Variants in MSRB3 observed in about 807,000 individuals in gnomAD.
MSRB3 encodes the protein methionine sulfoxide reductase B3.
A neutral mutation model predicts 21.0 loss-of-function variants in MSRB3; 13 were observed. That is an observed-to-expected ratio of 0.62 (90% CI 0.40 to 0.98). MSRB3 has a LOEUF of 0.98. Ranked by LOEUF, MSRB3 falls within the 50% of genes least tolerant of loss-of-function variation. MSRB3 has a pLI of 0.00. For synonymous variants in MSRB3, 87 were observed against 88.6 expected (o/e 0.98, Z 0.10); for missense variants, 199 against 230.3 (o/e 0.86, Z 0.88).
chr12:65,326,600 T>C (rs1038306948), intron 2 of MSRB3, among the ~76,000 whole-genome samples: 8 of 152,202 alleles, frequency 5.3e-5, no homozygotes, highest in African/African-American at 1.9e-4. Context: ...AGACTGGCTG[T>C]AGCATATTGT....
chr12:65,361,412 A>C (rs2136517582), intron 4 of MSRB3, among the ~76,000 whole-genome samples: 1 of 152,222 alleles, frequency 6.6e-6, no homozygotes, highest in South Asian at 2.1e-4. Flanking sequence ...CACAACTGTT[A>C]CGTGAATATG....
intron 5 of MSRB3, among the ~76,000 whole-genome samples, chr12:65,386,290 C>T (rs753850964): frequency 5.9e-5 from 9 of 151,906 alleles, no homozygotes; most frequent in Non-Finnish European, 1.2e-4. Context: ...TTATTTACAA[C>T]TCTCATGATA....
At chr12:65,388,779 G>A (rs1227535192) in intron 5 of MSRB3, among the ~76,000 whole-genome samples, 7 of 152,264 alleles carry the variant, frequency 4.6e-5, no homozygotes, top group South Asian at 2.1e-4. Flanking sequence ...GCTGAGGTGG[G>A]AGGATCACCT....
chr12:65,300,885 C>T (rs1282921184), intron 1 of MSRB3, among the ~76,000 whole-genome samples: 1 of 152,172 alleles, frequency 6.6e-6, no homozygotes, highest in Admixed American at 6.5e-5. Context: ...GGAAGCAATA[C>T]ACATAATCAT....
At chr12:65,450,565 G>T (rs749367577) in intron 5 of MSRB3, among the ~76,000 whole-genome samples, 3 of 152,122 alleles carry the variant, frequency 2.0e-5, no homozygotes, top group Non-Finnish European at 4.4e-5. Flanking sequence ...GTTTTCACAT[G>T]ACTTTTCTTT....
intron 1 of MSRB3, among the ~76,000 whole-genome samples, chr12:65,280,767 C>T (rs1871968312): frequency 6.6e-6 from 1 of 152,170 alleles, no homozygotes; most frequent in Admixed American, 6.5e-5. Flanking sequence ...TGAATCAACA[C>T]ACTGCTTTTT....
chr12:65,377,010 T>C (rs1237957836), intron 5 of MSRB3, among the ~76,000 whole-genome samples: 1 of 152,206 alleles, frequency 6.6e-6, no homozygotes, highest in Non-Finnish European at 1.5e-5. Context: ...AATGTTTGTT[T>C]TCTCCACTTA....
chr12:65,435,379 G>T (rs1450032683), intron 5 of MSRB3, among the ~76,000 whole-genome samples: 1 of 151,816 alleles, frequency 6.6e-6, no homozygotes, highest in African/African-American at 2.4e-5. Flanking sequence ...AATCCTAGTT[G>T]CTAGTTTATT....
chr12:65,413,190 G>A (rs929710818), intron 5 of MSRB3, among the ~76,000 whole-genome samples: 2 of 152,164 alleles, frequency 1.3e-5, no homozygotes, highest in Non-Finnish European at 2.9e-5. Context: ...TGTACATAAG[G>A]TATTAAGATG....
At chr12:65,288,164 G>A (rs1431927354) in intron 1 of MSRB3, among the ~76,000 whole-genome samples, 1 of 151,786 alleles carries the variant, frequency 6.6e-6, no homozygotes, top group Non-Finnish European at 1.5e-5. Flanking sequence ...TTAGCTGGGC[G>A]TGGTGGTGTG....
At chr12:65,298,810 T>C (rs1565820571) in intron 1 of MSRB3, among the ~76,000 whole-genome samples, 1 of 152,198 alleles carries the variant, frequency 6.6e-6, no homozygotes, top group Non-Finnish European at 1.5e-5. Flanking sequence ...TGACTTAAAA[T>C]ATATGAAATA....
At chr12:65,410,760 T>C (rs1371284166) in intron 5 of MSRB3, among the ~76,000 whole-genome samples, 1 of 152,248 alleles carries the variant, frequency 6.6e-6, no homozygotes, top group African/African-American at 2.4e-5. Flanking sequence ...CATGGGGTTG[T>C]TGAGAGAGAT....
At chr12:65,401,772 A>G (rs1287259039) in intron 5 of MSRB3, among the ~76,000 whole-genome samples, 2 of 152,048 alleles carry the variant, frequency 1.3e-5, no homozygotes, top group East Asian at 1.9e-4. Context: ...CATATTTAGT[A>G]CTTCCTTCAG....
In MSRB3 at chr12:65,419,507, G is replaced by A. The variant is rs1373065557; in HGVS notation, c.293-34221G>A. 4 of 740,854 alleles carry A rather than the reference G, an allele frequency of 5.4e-6. No homozygotes were observed. In the Admixed American group the frequency reaches 6.9e-5, roughly 13 times the overall value. The allele number at this position is 740,854 out of a possible 1,614,324, so 45.9% of individuals were successfully genotyped here. On this transcript the variant is annotated intron_variant, in intron 5 of 6. Coordinates refer to ENST00000308259, the MANE Select transcript of MSRB3 (RefSeq NM_001031679.3). ...CTCTCCACAGACTGGCGCATGGCCA[G>A]CTCTGTGTCATACTTGACTCTAAAG...
rs973140962 is a variant in MSRB3, at chr12:65,418,042, T to A, written c.293-35686T>A. ...TATGGTAGATCTGTTTTCAATTTTT[T>A]ATCATAATGGCTGTGCTAATTTACA... On this transcript the variant is annotated intron_variant, in intron 5 of 6. Transcript: ENST00000308259. Among the ~76,000 whole-genome samples the A allele has an allele frequency of 5.0e-4, 76 of 152,356 alleles. 1 individual carries two copies. The Middle Eastern group carries it at 0.014, about 27-fold the overall frequency.
intron 5 of MSRB3, among the ~76,000 whole-genome samples, chr12:65,395,327 A>G (rs1444602113): frequency 7.2e-5 from 11 of 152,016 alleles, no homozygotes; most frequent in Admixed American, 7.2e-4. Context: ...TTAGCCGGGC[A>G]TAGTGGTGAG....
intron 5 of MSRB3, among the ~76,000 whole-genome samples, chr12:65,445,358 C>A (rs1188707500): frequency 1.3e-5 from 2 of 150,672 alleles, no homozygotes; most frequent in East Asian, 3.9e-4. Flanking sequence ...TTCTAAAATA[C>A]AAATTTGATC....
chr12:65,313,257 G>T, intron 2 of MSRB3, among the ~76,000 whole-genome samples: 1 of 152,054 alleles, frequency 6.6e-6, no homozygotes, highest in Admixed American at 6.6e-5. Context: ...AAATACTACA[G>T]ATACACATTA....
chr12:65,440,735 C>G (rs978049781), intron 5 of MSRB3, among the ~76,000 whole-genome samples: 2 of 151,838 alleles, frequency 1.3e-5, no homozygotes, highest in African/African-American at 4.8e-5. Flanking sequence ...GGTCTAGTGA[C>G]ATAAGTAGTA....
Sources: allele counts gnomAD v4.1 joint callset (sites outside exome capture counted in the v4.1 genomes callset), GRCh38; gene constraint gnomAD v4.1.1; transcripts MANE v1.5; gene names NCBI Gene and HGNC (gene_info 2026-07-23, HGNC 2026-07-21).